Variants in TRIQK observed in about 807,000 individuals in gnomAD.
TRIQK encodes triple QxxK/R motif containing.
A neutral mutation model predicts 10.8 loss-of-function variants in TRIQK; 10 were observed. That is an observed-to-expected ratio of 0.92 (90% CI 0.57 to 1.57). The LOEUF (loss-of-function observed/expected upper bound fraction) is 1.57, where lower values mean the gene tolerates loss of function less well. Among genes scored for constraint, TRIQK ranks in the 40% most tolerant of loss-of-function variants. TRIQK has a pLI of 0.00. For synonymous variants in TRIQK, 33 were observed against 33.7 expected (o/e 0.98, Z 0.07); for missense variants, 107 against 97.7 (o/e 1.09, Z -0.40).
At chr8:93,013,227 T>C (rs1260220157) in intron 1 of TRIQK, among the ~76,000 whole-genome samples, 1 of 152,220 alleles carries the variant, frequency 6.6e-6, no homozygotes, top group Admixed American at 6.5e-5. Flanking sequence ...AGAGTAAATA[T>C]GCTGATTCGA....
chr8:92,901,004 CA>C (rs1007999507), intron 3 of TRIQK, among the ~76,000 whole-genome samples: 2 of 151,838 alleles, frequency 1.3e-5, no homozygotes, highest in African/African-American at 4.8e-5. Flanking sequence ...GCAGCTATTG[CA>C]AATGGGATTA....
intron 1 of TRIQK, among the ~76,000 whole-genome samples, chr8:92,964,474 A>ATG (rs1812629311): frequency 6.8e-6 from 1 of 147,936 alleles, no homozygotes; most frequent in South Asian, 2.1e-4. Flanking sequence ...CTATATATAT[A>ATG]TATATATCTA....
chr8:92,941,732 AATG>A (rs1312027813), intron 2 of TRIQK, among the ~76,000 whole-genome samples: 1 of 152,146 alleles, frequency 6.6e-6, no homozygotes, highest in African/African-American at 2.4e-5. Context: ...CAAATAAATT[AATG>A]ATGGAAAAGA....
intron 1 of TRIQK, among the ~76,000 whole-genome samples, chr8:92,988,000 C>CTTTTTTTTTTTTTTTTT (rs549776227): frequency 1.7e-5 from 1 of 57,580 alleles, no homozygotes; most frequent in Non-Finnish European, 3.0e-5. Flanking sequence ...TTTATACTTT[C>CTTTTTTTTTTTTTTTTT]TTTTTTTTTT....
chr8:92,964,464 C>CTATATA (rs71563502), intron 1 of TRIQK, among the ~76,000 whole-genome samples: 178 of 142,324 alleles, frequency 1.3e-3, no homozygotes, highest in African/African-American at 2.7e-3. Flanking sequence ...ATATATATAT[C>CTATATA]TATATATATA....
intron 1 of TRIQK, among the ~76,000 whole-genome samples, chr8:92,991,334 A>G (rs927589745): frequency 3.9e-5 from 6 of 152,160 alleles, no homozygotes; most frequent in African/African-American, 7.2e-5. Flanking sequence ...AACTTCAGCA[A>G]ACTTAAACGT....
At chr8:92,989,404 A>G (rs562607827) in intron 1 of TRIQK, among the ~76,000 whole-genome samples, 1 of 152,158 alleles carries the variant, frequency 6.6e-6, no homozygotes, top group African/African-American at 2.4e-5. Flanking sequence ...CTTCATCTCT[A>G]TTTACAGCTG....
At chr8:92,959,462 A>T (rs1316504527) in intron 1 of TRIQK, among the ~76,000 whole-genome samples, 1 of 145,302 alleles carries the variant, frequency 6.9e-6, no homozygotes, top group Non-Finnish European at 1.5e-5. Context: ...GGGGTATACC[A>T]TCAGTTATAT....
intron 1 of TRIQK, among the ~76,000 whole-genome samples, chr8:92,982,110 A>G (rs1812992308): frequency 6.6e-6 from 1 of 151,812 alleles, no homozygotes. Flanking sequence ...TTTTCCTTAG[A>G]AAAATAAATA....
chr8:92,919,606 T>A (rs1810065709), intron 2 of TRIQK, among the ~76,000 whole-genome samples: 1 of 151,854 alleles, frequency 6.6e-6, no homozygotes, highest in South Asian at 2.1e-4. Context: ...TTCCTTTTTT[T>A]TATTGTGTTC....
chr8:93,015,211 T>A (rs1813372728), intron 1 of TRIQK, among the ~76,000 whole-genome samples: 1 of 151,908 alleles, frequency 6.6e-6, no homozygotes, highest in African/African-American at 2.4e-5. Context: ...TTTACTTAGA[T>A]GCTTTTCAAA....
At chr8:92,950,445 T>C (rs1362053252) in intron 2 of TRIQK, among the ~76,000 whole-genome samples, 1 of 152,142 alleles carries the variant, frequency 6.6e-6, no homozygotes, top group Non-Finnish European at 1.5e-5. Flanking sequence ...GTTGTAGGAA[T>C]TTGCAAATTA....
intron 1 of TRIQK, among the ~76,000 whole-genome samples, chr8:93,004,574 T>C (rs1370009643): frequency 1.3e-5 from 2 of 152,262 alleles, no homozygotes; most frequent in African/African-American, 4.8e-5. Flanking sequence ...TGGGTTTTTC[T>C]TTTCTACCCC....
chr8:92,967,729 G>A (rs1372120286), upstream of TRIQK, among the ~76,000 whole-genome samples: 1 of 151,106 alleles, frequency 6.6e-6, no homozygotes, highest in Non-Finnish European at 1.5e-5. Context: ...GCCTGAGGCA[G>A]GAGAATTGCT....
intron 2 of TRIQK, among the ~76,000 whole-genome samples, chr8:92,930,040 C>A (rs10956857): frequency 0.72 from 109,307 of 151,364 alleles, 39,715 homozygotes; most frequent in Middle Eastern, 0.82. Flanking sequence ...CTAGAACTTA[C>A]AGTATAATAA....
intron 3 of TRIQK, 90 bp from the exon 4 acceptor site, chr8:92,892,164 G>T: frequency 1.1e-6 from 1 of 914,990 alleles, no homozygotes; most frequent in Non-Finnish European, 1.6e-6. Flanking sequence ...TTTAAATACA[G>T]TGAAACAGGG....
At chr8:92,905,705 G>T (rs1439997522) in intron 3 of TRIQK, among the ~76,000 whole-genome samples, 2 of 152,118 alleles carry the variant, frequency 1.3e-5, no homozygotes, top group Non-Finnish European at 2.9e-5. Context: ...CTATCTCTTG[G>T]AGTCTATGAC....
At chr8:92,888,563 G>A (rs746671163) in intron 4 of TRIQK, among the ~76,000 whole-genome samples, 1 of 151,532 alleles carries the variant, frequency 6.6e-6, no homozygotes, top group East Asian at 1.9e-4. Flanking sequence ...TGAATGTCGG[G>A]AGAGTTGAAA....
chr8:92,887,355 C>T (rs1252535741), intron 4 of TRIQK, among the ~76,000 whole-genome samples: 5 of 151,306 alleles, frequency 3.3e-5, no homozygotes, highest in Admixed American at 6.6e-5. Context: ...TAATACAATA[C>T]ATTTATCACA....
Sources: allele counts gnomAD v4.1 joint callset (sites outside exome capture counted in the v4.1 genomes callset), GRCh38; gene constraint gnomAD v4.1.1; transcripts MANE v1.5; gene names NCBI Gene and HGNC (gene_info 2026-07-23, HGNC 2026-07-21).